Variants in PYROXD2 observed in about 807,000 individuals in gnomAD.
PYROXD2 encodes the protein pyridine nucleotide-disulphide oxidoreductase domain 2, also known as pyridine nucleotide-disulfide oxidoreductase domain-containing protein 2.
PYROXD2 carries 69 observed loss-of-function variants against 71.1 expected under a neutral mutation model. The observed-to-expected ratio is 0.97, with a 90% CI of 0.80 to 1.19. PYROXD2 has a LOEUF of 1.19. PYROXD2 is among the 50% of genes most tolerant of loss of function. The pLI is 0.00. For missense variants in PYROXD2, 745 were observed against 748.9 expected (o/e 0.99, Z 0.06); for synonymous variants, 287 against 302.7 (o/e 0.95, Z 0.54).
chr10:98,385,890 C>T (rs1040689634), intron 14 of PYROXD2, among the ~76,000 whole-genome samples: 4 of 152,194 alleles, frequency 2.6e-5, no homozygotes, highest in African/African-American at 9.7e-5. Flanking sequence ...GCTGCCTGGC[C>T]TTCTTTCCTC....
chr10:98,392,997 G>C lies in PYROXD2; in HGVS notation c.872C>G (p.Ser291Cys). Residue 291 changes from serine to cysteine, a missense_variant, in exon 9 of 16, where the codon TCT becomes TGT. Transcript: ENST00000370575. ...GGTGGCTGAGCTTGCGATCGCATCA[G>C]AGAGGGCACCCATGCCCCCCTGGAC... ...GYVQGGMGAL[S>C]DAIASSATTH... The C allele has an allele frequency of 6.2e-7, 1 of 1,613,638 alleles. No individual in the cohort carries two copies. The highest frequency in any genetic ancestry group is 8.5e-7 in the Non-Finnish European group (1 of 1,179,642).
At chr10:98,386,233 A>G (rs1842745347) in intron 14 of PYROXD2, among the ~76,000 whole-genome samples, 2 of 142,268 alleles carry the variant, frequency 1.4e-5, no homozygotes, top group Admixed American at 7.0e-5. Context: ...GTGAGCCGTG[A>G]TTGCACTACT....
chr10:98,394,848 T>G (rs11189590), intron 8 of PYROXD2, among the ~76,000 whole-genome samples: 54,167 of 151,420 alleles, frequency 0.36, 9,965 homozygotes, highest in South Asian at 0.44. Context: ...AGATATTAAT[T>G]TTGAGCTATC....
chr10:98,393,276 G>A (rs1026333448), intron 8 of PYROXD2, among the ~76,000 whole-genome samples, 193 bp from the exon 9 acceptor site: 1 of 152,098 alleles, frequency 6.6e-6, no homozygotes, highest in African/African-American at 2.4e-5. Context: ...CCTAACAAGT[G>A]TGTCTATGTG....
rs1315766442 is a variant in PYROXD2 at position 98,392,555 on chromosome 10, C to A, written c.939G>T (p.Lys313Asn). The A allele has an allele frequency of 1.9e-6, 3 of 1,611,864 alleles. No individual in the cohort carries two copies. The highest frequency in any genetic ancestry group is 2.2e-5 in the South Asian group (2 of 91,086). The change falls in exon 10 of 16, where the codon AAG becomes AAT. Residue 313 changes from lysine (K) to asparagine (N), a missense_variant. By Grantham distance (94) the Lys-to-Asn change is moderately conservative (BLOSUM62 0). Transcript: ENST00000370575. ...CACAGCCTTCACTGTTCACCTGCAC[C>A]TTCGCCACTGTCTAGAGCCCACCAG... Reference protein sequence around the residue: ...ASIFTEKTVAKVQVNSEGCVQ... With the variant: ...ASIFTEKTVANVQVNSEGCVQ...
Position 98,395,178 on chromosome 10 carries a change from C to T in PYROXD2, c.785+18G>A, listed in dbSNP as rs371795684. On this transcript the variant is annotated intron_variant, in intron 8 of 15. Coordinates refer to ENST00000370575, the MANE Select transcript of PYROXD2 (RefSeq NM_032709.3). ...AACATGCCCCACTCCTGTGTCCCAC[C>T]TCACCCCCCTCACTCACCCACTCCC... 26 of 1,606,538 alleles carry T rather than the reference C, an allele frequency of 1.6e-5. No homozygotes were observed. Among genetic ancestry groups the T allele is most frequent in the Non-Finnish European group, 2.2e-5 (26 of 1,173,516 alleles).
At chr10:98,398,031 T>C (rs926809061) in intron 5 of PYROXD2, among the ~76,000 whole-genome samples, 1 of 151,918 alleles carries the variant, frequency 6.6e-6, no homozygotes, top group African/African-American at 2.4e-5. Context: ...TATAGGCACC[T>C]GCCACCACGC....
intron 5 of PYROXD2, among the ~76,000 whole-genome samples, chr10:98,398,289 A>G (rs1843269538): frequency 1.3e-5 from 2 of 152,094 alleles, no homozygotes; most frequent in African/African-American, 4.8e-5. Flanking sequence ...CTGCAGTCAC[A>G]GAAGCCTGCC....
In PYROXD2 at chr10:98,390,708, G is replaced by A. The variant is rs765926269; in HGVS notation, c.1182C>T (p.Pro394=). Residue 394 remains proline, a synonymous_variant, in exon 12 of 16, where the codon CCC becomes CCT. Transcript: ENST00000370575. The stretch of plus-strand genomic sequence containing the variant: ...GGTGATGGGGCAGCGGCTGGCCCCT[G>A]GGAGCATTGGGGGCCGCCAGGAAGC... The part of the protein sequence containing the change: ...LPSFLAAPNA[P]RGQPLPHHQC... 6.8e-6 allele frequency: 11 copies of A among 1,610,448 alleles called. No individual in the cohort carries two copies. In the Admixed American group the frequency reaches 1.9e-4, roughly 27 times the overall value.
intron 4 of PYROXD2, among the ~76,000 whole-genome samples, chr10:98,406,358 T>G (rs1466984541): frequency 6.6e-6 from 1 of 152,222 alleles, no homozygotes. Context: ...CTCCCCAACA[T>G]CTGCCACTAT....
chr10:98,408,981 TTGAAACCAGACAGCG>T (rs1412420443), intron 2 of PYROXD2, among the ~76,000 whole-genome samples: 1 of 152,176 alleles, frequency 6.6e-6, no homozygotes, highest in African/African-American at 2.4e-5. Context: ...GTGTTGGGAA[TTGAAACCAGACAGCG>T]TGAAACCAGC....
chr10:98,401,253 C>CCAAAAA (rs1843390902), intron 4 of PYROXD2, among the ~76,000 whole-genome samples: 4 of 45,582 alleles, frequency 8.8e-5, no homozygotes, highest in African/African-American at 3.3e-4. Flanking sequence ...GACTCTGTCT[C>CCAAAAA]AAAAAAAAAA....
At chr10:98,412,344 C>T (rs1018444111) in intron 1 of PYROXD2, among the ~76,000 whole-genome samples, 18 of 152,196 alleles carry the variant, frequency 1.2e-4, no homozygotes, top group African/African-American at 3.6e-4. Context: ...TTGAAGAGGA[C>T]TTCAGCTGCG....
chr10:98,395,451 G>A lies in PYROXD2; in HGVS notation c.627C>T (p.Gly209=), dbSNP rs761905203. ...GGGGAAGCTGGGCTCCCAGGATGCG[G>A]CCTACAAGAGAAGATCCACAAAACA... ...LSTLKPLLKA[G]RILGAQLPRY... The change falls in exon 7 of 16, where the codon GGC becomes GGT. Residue 209 remains glycine, a splice_region_variant and synonymous_variant. Transcript: ENST00000370575. 9.9e-6 allele frequency: 16 copies of A among 1,613,842 alleles called. No individual in the cohort carries two copies. Among genetic ancestry groups the A allele is most frequent in the Admixed American group, 1.7e-5 (1 of 60,024 alleles).
chr10:98,410,858 G>A, intron 2 of PYROXD2, 81 bp downstream of exon 2: 9 of 1,548,440 alleles, frequency 5.8e-6, no homozygotes, highest in Non-Finnish European at 7.9e-6. Context: ...TATCCCACCT[G>A]CTTCTTCACA....
chr10:98,401,394 G>A (rs1393723684), intron 4 of PYROXD2, among the ~76,000 whole-genome samples: 1 of 152,044 alleles, frequency 6.6e-6, no homozygotes, highest in Non-Finnish European at 1.5e-5. Flanking sequence ...GCGAGTGAGT[G>A]GTGAGTGACT....
chr10:98,404,570 C>T (rs1251612319), intron 4 of PYROXD2, among the ~76,000 whole-genome samples: 1 of 151,806 alleles, frequency 6.6e-6, no homozygotes, highest in African/African-American at 2.4e-5. Flanking sequence ...GAAAAAAAAC[C>T]CAAAAAAACA....
chr10:98,391,566 T>A (rs1842945936), intron 10 of PYROXD2, among the ~76,000 whole-genome samples: 1 of 152,114 alleles, frequency 6.6e-6, no homozygotes, highest in Non-Finnish European at 1.5e-5. Flanking sequence ...GTAAGTCAAT[T>A]GCAAAAACTG....
Position 98,385,022 on chromosome 10 carries a change from G to A in PYROXD2, c.1600C>T (p.Arg534Cys), listed in dbSNP as rs538505970. The A allele has an allele frequency of 7.1e-5, 114 of 1,613,888 alleles. No individual in the cohort carries two copies. The East Asian group carries it at 1.6e-3, about 23-fold the overall frequency. Residue 534 changes from arginine to cysteine, a missense_variant, in exon 15 of 16, where the codon CGC becomes TGC. Coordinates refer to ENST00000370575, the MANE Select transcript of PYROXD2 (RefSeq NM_032709.3). ...AMSLDQLYFA[R>C]PVPLHSGYRC... ...TAGCCAGAATGCAGGGGCACGGGGC[G>A]GGCGAAGTAGAGCTGGTCCAGGGAC... is the stretch of plus-strand genomic sequence containing the variant.
Sources: allele counts gnomAD v4.1 joint callset (sites outside exome capture counted in the v4.1 genomes callset), GRCh38; gene constraint gnomAD v4.1.1; transcripts MANE v1.5; gene names NCBI Gene and HGNC (gene_info 2026-07-23, HGNC 2026-07-21).